Variants in ADGRL3 observed in about 807,000 individuals in gnomAD.
The protein encoded by ADGRL3 is calcium-independent alpha-latrotoxin receptor 3.
ADGRL3 carries 62 observed loss-of-function variants against 153.5 expected under a neutral mutation model. The observed-to-expected ratio is 0.40, with a 90% CI of 0.33 to 0.50. The LOEUF is 0.50. Ranked by LOEUF, ADGRL3 falls within the 20% of genes least tolerant of loss-of-function variation. The pLI is 0.47. For missense variants in ADGRL3, 1,641 were observed against 1,859.4 expected (o/e 0.88, Z 2.16); for synonymous variants, 710 against 672.5 (o/e 1.06, Z -0.86).
At chr4:61,731,357 T>C (rs1334353133) in intron 7 of ADGRL3, among the ~76,000 whole-genome samples, 1 of 152,020 alleles carries the variant, frequency 6.6e-6, no homozygotes, top group African/African-American at 2.4e-5. Context: ...TAGTTACTGT[T>C]TAAAAGCTAA....
intron 1 of ADGRL3, among the ~76,000 whole-genome samples, chr4:61,301,482 T>C (rs1489778091): frequency 6.6e-6 from 1 of 152,224 alleles, no homozygotes; most frequent in Non-Finnish European, 1.5e-5. Context: ...CAGGCTATCC[T>C]AACTGTCCAA....
chr4:61,748,739 C>T (rs2096709113), intron 8 of ADGRL3, among the ~76,000 whole-genome samples: 2 of 152,072 alleles, frequency 1.3e-5, no homozygotes, highest in Admixed American at 1.3e-4. Flanking sequence ...AAATGTTAGA[C>T]CTAAAATCAT....
intron 19 of ADGRL3, among the ~76,000 whole-genome samples, chr4:61,985,907 T>TTA (rs2099083666): frequency 6.9e-6 from 1 of 144,360 alleles, no homozygotes; most frequent in South Asian, 2.2e-4. Flanking sequence ...CTAGGATTAG[T>TTA]AAAAAAAAAA....
At chr4:61,896,801 GT>G (rs2149662728) in intron 11 of ADGRL3, among the ~76,000 whole-genome samples, 1 of 152,208 alleles carries the variant, frequency 6.6e-6, no homozygotes. Context: ...TCCTGCCACA[GT>G]TTTTATGTCC....
intron 1 of ADGRL3, among the ~76,000 whole-genome samples, chr4:61,231,740 A>G (rs553976488): frequency 7.2e-5 from 11 of 152,090 alleles, no homozygotes; most frequent in East Asian, 1.9e-4. Flanking sequence ...GGTGGTATCA[A>G]TGTTCTTCAT....
chr4:62,068,196 A>G lies in ADGRL3; in HGVS notation c.3832+13A>G. On this transcript the variant is annotated intron_variant, in intron 26 of 26. Coordinates refer to ENST00000683033, the MANE Select transcript of ADGRL3 (RefSeq NM_001387552.1). ...TACAGAGAGACAAGTATGGGAGTAA[A>G]GCTAAACATTGCATATCAAATGTAA... 6.3e-7 allele frequency: 1 copy of G among 1,587,486 alleles called. No homozygotes were observed. The highest frequency in any genetic ancestry group is 8.5e-7 in the Non-Finnish European group (1 of 1,174,390).
At chr4:62,060,382 C>CTG (rs1739412251) in intron 25 of ADGRL3, among the ~76,000 whole-genome samples, 1 of 151,838 alleles carries the variant, frequency 6.6e-6, no homozygotes, top group Non-Finnish European at 1.5e-5. Flanking sequence ...AGAGATGCAG[C>CTG]TGTAAGCCTT....
chr4:61,680,782 T>G (rs2095319339), intron 6 of ADGRL3, among the ~76,000 whole-genome samples: 1 of 152,036 alleles, frequency 6.6e-6, no homozygotes, highest in African/African-American at 2.4e-5. Flanking sequence ...TCAGACCACC[T>G]TCTTTGAGTG....
In ADGRL3 at chr4:61,852,320, T is replaced by C. The variant is rs560122233; in HGVS notation, c.1480+38431T>C. ...TTTATTTTATTTTATTTTATTTTAT[T>C]TTATTATTTTTTGAGACAGGGTCTC... On this transcript the variant is annotated intron_variant, in intron 9 of 26. Transcript: ENST00000683033. Among the ~76,000 whole-genome samples the C allele has an allele frequency of 1.6e-3, 239 of 151,878 alleles. 2 individuals are homozygous for C. Among genetic ancestry groups the C allele is most frequent in the Non-Finnish European group, 4.0e-4 (27 of 67,926 alleles).
At chr4:61,855,791 TA>T (rs1245446008) in intron 9 of ADGRL3, among the ~76,000 whole-genome samples, 2 of 152,154 alleles carry the variant, frequency 1.3e-5, no homozygotes, top group African/African-American at 4.8e-5. Context: ...AGCCACTATT[TA>T]TTGAATGCCT....
At chr4:61,366,293 T>A (rs2096395693) in intron 1 of ADGRL3, among the ~76,000 whole-genome samples, 1 of 152,212 alleles carries the variant, frequency 6.6e-6, no homozygotes, top group African/African-American at 2.4e-5. Flanking sequence ...TTGGCTGGCT[T>A]TACCATCAGC....
At chr4:61,310,553 A>G (rs2094959185) in intron 1 of ADGRL3, among the ~76,000 whole-genome samples, 1 of 152,124 alleles carries the variant, frequency 6.6e-6, no homozygotes, top group African/African-American at 2.4e-5. Context: ...GCGTTCAAAG[A>G]GAATATTTTG....
chr4:61,266,812 C>T lies in ADGRL3; in HGVS notation c.-240+65047C>T, dbSNP rs145004413. Among the ~76,000 whole-genome samples, 102 of 151,650 alleles carry T rather than the reference C, an allele frequency of 6.7e-4. 1 individual carries two copies. In the East Asian group the frequency reaches 0.017, roughly 25 times the overall value. ...GAGTAGTCCAGTAATTGAAGTAAGC[C>T]AGAACTAATGTCAGTGCCATCATTC... On this transcript the variant is annotated intron_variant, in intron 1 of 26. Transcript: ENST00000683033.
At chr4:61,582,291 G>A (rs564178769) in intron 4 of ADGRL3, among the ~76,000 whole-genome samples, 3 of 152,074 alleles carry the variant, frequency 2.0e-5, no homozygotes, top group Non-Finnish European at 4.4e-5. Context: ...CCATCACCTA[G>A]GTATTAAGCC....
chr4:61,844,853 A>G (rs2098095000), intron 9 of ADGRL3, among the ~76,000 whole-genome samples: 1 of 151,698 alleles, frequency 6.6e-6, no homozygotes, highest in Non-Finnish European at 1.5e-5. Context: ...CCCTTCTGCT[A>G]CTGTGTATTT....
chr4:61,870,829 TACAC>T (rs2098439504), intron 9 of ADGRL3, among the ~76,000 whole-genome samples: 1 of 152,138 alleles, frequency 6.6e-6, no homozygotes, highest in Non-Finnish European at 1.5e-5. Flanking sequence ...TTGGAACACT[TACAC>T]ACAGCTGGTG....
intron 2 of ADGRL3, among the ~76,000 whole-genome samples, chr4:61,440,787 C>T (rs1237207335): frequency 1.3e-5 from 2 of 151,988 alleles, no homozygotes; most frequent in African/African-American, 4.8e-5. Context: ...TTCATTTTTC[C>T]TAGTAGTAAT....
chr4:61,538,612 T>C (rs2098671528), intron 4 of ADGRL3, among the ~76,000 whole-genome samples: 2 of 152,046 alleles, frequency 1.3e-5, no homozygotes, highest in South Asian at 4.2e-4. Context: ...GCTAATTTTT[T>C]TGTATTTTTA....
At chr4:62,054,934 C>T (rs181151524) in intron 25 of ADGRL3, among the ~76,000 whole-genome samples, 40 of 151,686 alleles carry the variant, frequency 2.6e-4, no homozygotes, top group African/African-American at 8.4e-4. Flanking sequence ...CCATTTCATA[C>T]TCTGATTGGC....
Sources: allele counts gnomAD v4.1 joint callset (sites outside exome capture counted in the v4.1 genomes callset), GRCh38; gene constraint gnomAD v4.1.1; transcripts MANE v1.5; gene names NCBI Gene and HGNC (gene_info 2026-07-23, HGNC 2026-07-21).